The following SH3PXD2A variants were observed in gnomAD, a reference collection of about 807,000 sequenced individuals.
SH3PXD2A encodes SH3 and PX domain-containing protein 2A.
In SH3PXD2A, 32 loss-of-function variants were observed where a neutral mutation model predicts 115.2. The observed-to-expected ratio is 0.28, with a 90% CI of 0.21 to 0.37. The LOEUF (loss-of-function observed/expected upper bound fraction) is 0.37, where lower values mean the gene tolerates loss of function less well. Ranked by LOEUF, SH3PXD2A falls within the 10% of genes least tolerant of loss-of-function variation. The pLI, the probability that SH3PXD2A is intolerant of heterozygous loss-of-function variation, is 1.00. For synonymous variants in SH3PXD2A, 610 were observed against 629.1 expected, an observed-to-expected ratio of 0.97 and a Z score of 0.45; for missense variants, 1,328 against 1,498.7, an observed-to-expected ratio of 0.89 and a Z score of 1.88.
At chr10:103,740,292 G>A (rs893721174) in intron 3 of SH3PXD2A, among the ~76,000 whole-genome samples, 6 of 152,190 alleles carry the variant, frequency 3.9e-5, no homozygotes, top group Non-Finnish European at 8.8e-5. Context: ...TCAACCTGGG[G>A]TTTTAAAGCT....
intron 5 of SH3PXD2A, among the ~76,000 whole-genome samples, chr10:103,699,490 G>A (rs1349192952): frequency 2.0e-5 from 3 of 152,156 alleles, no homozygotes; most frequent in Admixed American, 6.5e-5. Context: ...GTGAGAATTC[G>A]AATTATCTGT....
chr10:103,679,867 C>G lies in SH3PXD2A; in HGVS notation c.428-11215G>C, dbSNP rs929803724. Among the ~76,000 whole-genome samples the G allele has an allele frequency of 5.3e-5, 8 of 152,326 alleles. No homozygotes were observed. In the East Asian group the frequency reaches 1.5e-3, roughly 29 times the overall value. On this transcript the variant is annotated intron_variant, in intron 6 of 14. Transcript: ENST00000369774. ...TGATCCTCTTCCAACACTCAAAGAG[C>G]CTAAGGTGCTCCAGGGCTGAGCTGA... is the stretch of plus-strand genomic sequence containing the variant.
At chr10:103,645,699 C>T (rs1246421942) in intron 8 of SH3PXD2A, among the ~76,000 whole-genome samples, 1 of 152,160 alleles carries the variant, frequency 6.6e-6, no homozygotes, top group Non-Finnish European at 1.5e-5. Context: ...TTCAAGGCAG[C>T]CCCACAGGTT....
At chr10:103,690,580 T>C (rs555723193) in intron 6 of SH3PXD2A, among the ~76,000 whole-genome samples, 6 of 152,282 alleles carry the variant, frequency 3.9e-5, no homozygotes, top group East Asian at 3.9e-4. Context: ...CTTCAACCAA[T>C]TGGATGAGGC....
chr10:103,854,995 C>CG lies in SH3PXD2A; in HGVS notation c.72+199dup, dbSNP rs547648511. On this transcript the variant is annotated intron_variant, in intron 1 of 14. Coordinates refer to ENST00000369774, the MANE Select transcript of SH3PXD2A (RefSeq NM_001394015.1). ...CAATTCCAATGCCAAAAAAAGAAAC[C>CG]GGGGGGGCGGGGGTGCGAAGGAGGA... Among the ~76,000 whole-genome samples, 38 of 152,178 alleles carry CG rather than the reference C, an allele frequency of 2.5e-4. 2 individuals are homozygous for CG. The South Asian group carries it at 7.7e-3, about 31-fold the overall frequency.
intron 3 of SH3PXD2A, among the ~76,000 whole-genome samples, chr10:103,759,979 G>A (rs1048749570): frequency 1.3e-5 from 2 of 152,204 alleles, no homozygotes; most frequent in Admixed American, 6.5e-5. Flanking sequence ...TGTAAACAAG[G>A]CACTAACTGC....
intron 5 of SH3PXD2A, among the ~76,000 whole-genome samples, chr10:103,697,668 G>C (rs561952202): frequency 2.0e-5 from 3 of 152,324 alleles, no homozygotes; most frequent in African/African-American, 7.2e-5. Context: ...AAAACCAAGA[G>C]ATGTAAAGGG....
intron 10 of SH3PXD2A, among the ~76,000 whole-genome samples, chr10:103,618,073 C>T (rs765940592): frequency 9.2e-5 from 14 of 152,248 alleles, no homozygotes; most frequent in Non-Finnish European, 1.8e-4. Flanking sequence ...ACCACGCAGC[C>T]GAGGCCTAGC....
At chr10:103,729,062 T>C (rs1040230072) in intron 4 of SH3PXD2A, among the ~76,000 whole-genome samples, 3 of 151,548 alleles carry the variant, frequency 2.0e-5, no homozygotes, top group African/African-American at 7.3e-5. Flanking sequence ...AGCAGGCTAA[T>C]TTTTTGTATT....
chr10:103,675,750 G>T (rs1346364725), intron 6 of SH3PXD2A, among the ~76,000 whole-genome samples: 6 of 152,220 alleles, frequency 3.9e-5, no homozygotes, highest in Non-Finnish European at 8.8e-5. Flanking sequence ...GCACAGAAAA[G>T]TTAAGGCTCT....
intron 9 of SH3PXD2A, among the ~76,000 whole-genome samples, chr10:103,625,099 C>T (rs2036671977): frequency 6.6e-6 from 1 of 152,202 alleles, no homozygotes; most frequent in Non-Finnish European, 1.5e-5. Flanking sequence ...CCTGATTCTT[C>T]CTCCATCAAG....
At chr10:103,800,014 C>T (rs1311320604) in intron 2 of SH3PXD2A, among the ~76,000 whole-genome samples, 6 of 152,172 alleles carry the variant, frequency 3.9e-5, no homozygotes, top group African/African-American at 1.4e-4. Context: ...GGCAAGCACA[C>T]GGTACCCAAG....
chr10:103,660,911 A>T, intron 8 of SH3PXD2A, 72 bp downstream of exon 8: 3 of 1,506,458 alleles, frequency 2.0e-6, no homozygotes, highest in Non-Finnish European at 1.8e-6. Flanking sequence ...GGGAGGAGGG[A>T]GGAACAAAAA....
intron 12 of SH3PXD2A, 30 bp downstream of exon 12, chr10:103,612,823 T>A: frequency 1.4e-6 from 2 of 1,466,818 alleles, no homozygotes; most frequent in Non-Finnish European, 1.8e-6. Flanking sequence ...AGCTTTGCAG[T>A]GAGGACCTAG....
At chr10:103,795,916 A>AAGGAAGGT (rs2039082160) in intron 2 of SH3PXD2A, among the ~76,000 whole-genome samples, 1 of 109,342 alleles carries the variant, frequency 9.1e-6, no homozygotes, top group African/African-American at 3.2e-5. Context: ...GGAAGGAAGG[A>AAGGAAGGT]AGGAAGGAAG....
chr10:103,749,984 T>C (rs1345702604), intron 3 of SH3PXD2A: 1 of 149,722 alleles, frequency 6.7e-6, no homozygotes, highest in Admixed American at 6.6e-5. Context: ...TGAGAGATTC[T>C]GACTCAGAAC....
chr10:103,635,924 C>T (rs2036857658), intron 8 of SH3PXD2A, among the ~76,000 whole-genome samples: 1 of 152,212 alleles, frequency 6.6e-6, no homozygotes, highest in Admixed American at 6.5e-5. Context: ...TTCTGGCCAG[C>T]ACTTCCAGCT....
In SH3PXD2A at chr10:103,627,679, A is replaced by G. The variant is rs2036718887; in HGVS notation, c.605-477T>C. ...CTTTTCCCCATCGCGGGTCAGCGGT[A>G]CCTTCGCATTGGTGCCACTCACAGC... On this transcript the variant is annotated intron_variant, in intron 8 of 14. Coordinates refer to ENST00000369774, the MANE Select transcript of SH3PXD2A (RefSeq NM_001394015.1). This position sits in a 1 kb window ranked among gnomAD's most constrained non-coding sequence, Gnocchi z 4.4. 6.6e-6 allele frequency among the ~76,000 whole-genome samples: 1 copy of G among 152,190 alleles called. No individual in the cohort carries two copies. Among genetic ancestry groups the G allele is most frequent in the Non-Finnish European group, 1.5e-5 (1 of 68,042 alleles).
At chr10:103,790,751 G>A (rs1248553055) in intron 2 of SH3PXD2A, among the ~76,000 whole-genome samples, 1 of 152,186 alleles carries the variant, frequency 6.6e-6, no homozygotes, top group African/African-American at 2.4e-5. Context: ...AATTAACAAT[G>A]CCTGCCATGG....
Sources: allele counts gnomAD v4.1 joint callset (sites outside exome capture counted in the v4.1 genomes callset), GRCh38; gene constraint gnomAD v4.1.1; non-coding constraint Gnocchi (gnomAD v3.1); transcripts MANE v1.5; gene names NCBI Gene and HGNC (gene_info 2026-07-23, HGNC 2026-07-21).